Variants in SETD7 observed in about 807,000 individuals in gnomAD.
SETD7 encodes histone-lysine N-methyltransferase SETD7.
Under a neutral mutation model 41.8 loss-of-function variants are expected in SETD7, and 16 were observed. The observed-to-expected ratio is 0.38, with a 90% CI of 0.26 to 0.58. The LOEUF (loss-of-function observed/expected upper bound fraction) is 0.58, where lower values mean the gene tolerates loss of function less well. Ranked by LOEUF, SETD7 falls within the 20% of genes least tolerant of loss-of-function variation. The pLI, the probability that SETD7 is intolerant of heterozygous loss-of-function variation, is 0.64. For missense variants in SETD7, 346 were observed against 459.7 expected, an observed-to-expected ratio of 0.75 and a Z score of 2.26; for synonymous variants, 163 against 169.7, an observed-to-expected ratio of 0.96 and a Z score of 0.31.
At chr4:139,548,387 T>G (rs1728018753) in intron 1 of SETD7, among the ~76,000 whole-genome samples, 1 of 152,158 alleles carries the variant, frequency 6.6e-6, no homozygotes, top group South Asian at 2.1e-4. Context: ...TCCCAGCACT[T>G]TGGGAGGCTG....
chr4:139,534,629 A>T (rs1018134568), intron 2 of SETD7, among the ~76,000 whole-genome samples: 1 of 152,034 alleles, frequency 6.6e-6, no homozygotes, highest in African/African-American at 2.4e-5. Flanking sequence ...GGCTCAAGGG[A>T]TCCACCCAAC....
chr4:139,556,076 G>A (rs761969765), intron 1 of SETD7, 22 bp downstream of exon 1: 1 of 1,583,524 alleles, frequency 6.3e-7, no homozygotes, highest in Non-Finnish European at 8.6e-7. Context: ...CTCCTCCCCC[G>A]GCCCCGGAGA....
chr4:139,502,385 T>A (rs1480132413), downstream of SETD7, among the ~76,000 whole-genome samples: 1 of 152,070 alleles, frequency 6.6e-6, no homozygotes, highest in African/African-American at 2.4e-5. Context: ...TGTTGCAGTT[T>A]AAGTGGGGTG....
intron 1 of SETD7, among the ~76,000 whole-genome samples, chr4:139,553,787 T>C (rs1188539296): frequency 6.6e-6 from 1 of 152,214 alleles, no homozygotes; most frequent in Non-Finnish European, 1.5e-5. Context: ...AGGCTCTGTT[T>C]ATGGAAAGAG....
intron 6 of SETD7, among the ~76,000 whole-genome samples, chr4:139,519,170 C>T (rs1727111871): frequency 1.3e-5 from 2 of 152,278 alleles, no homozygotes; most frequent in African/African-American, 2.4e-5. Context: ...GTACCATCTA[C>T]CTTAGGCTGC....
rs1170006549 is a variant in SETD7 at position 139,529,331 on chromosome 4, T to C, written c.373-111A>G. Reference sequence around the variant, plus strand: ...ATTATTAATATAGCACCAGTAGGGATAATAACAGTTTAGGAACCCAGAGCT... The same window carrying C: ...ATTATTAATATAGCACCAGTAGGGACAATAACAGTTTAGGAACCCAGAGCT... On this transcript the variant is annotated intron_variant, in intron 3 of 7. Coordinates refer to ENST00000274031, the MANE Select transcript of SETD7 (RefSeq NM_030648.4). 6.3e-6 allele frequency: 5 copies of C among 793,774 alleles called. No individual in the cohort carries two copies. In the Admixed American group the frequency reaches 9.2e-5, roughly 15 times the overall value. The allele number at this position is 793,774 out of a possible 1,614,324, so 49.2% of individuals were successfully genotyped here.
chr4:139,500,751 T>G (rs1441860075), intron 7 of SETD7, among the ~76,000 whole-genome samples: 2 of 152,182 alleles, frequency 1.3e-5, no homozygotes, highest in African/African-American at 4.8e-5. Context: ...TCAGATGATC[T>G]GCCCACCTCA....
chr4:139,540,394 A>T (rs1212613741), intron 2 of SETD7, among the ~76,000 whole-genome samples: 2 of 152,232 alleles, frequency 1.3e-5, no homozygotes. Context: ...AAGGAAAATT[A>T]AAGAATGGAA....
chr4:139,517,124 G>A (rs548255848), intron 7 of SETD7, among the ~76,000 whole-genome samples: 21 of 152,106 alleles, frequency 1.4e-4, no homozygotes, highest in African/African-American at 5.1e-4. Context: ...CTTTTCCAAC[G>A]CTGAGATGTC....
At chr4:139,496,575 A>G (rs1201235054) in intron 7 of SETD7, 3 of 677,938 alleles carry the variant, frequency 4.4e-6, no homozygotes, top group Non-Finnish European at 5.3e-6. Context: ...ATTAAGGTAC[A>G]TAGATCTCAA....
intron 2 of SETD7, among the ~76,000 whole-genome samples, chr4:139,535,045 T>C (rs1727600290): frequency 6.6e-6 from 1 of 152,174 alleles, no homozygotes; most frequent in South Asian, 2.1e-4. Context: ...AAGTGCACTT[T>C]AGCATAGCTC....
rs185825634 is a variant in SETD7 at position 139,538,816 on chromosome 4, G to A, written c.171-5450C>T. On this transcript the variant is annotated intron_variant, in intron 2 of 7. Transcript: ENST00000274031. ...GGTCTTGCAATTGTTTGATTTTCCT[G>A]GTACCATCATCTGAATCAAACTGGA... 1.9e-4 allele frequency among the ~76,000 whole-genome samples: 29 copies of A among 151,968 alleles called. No homozygotes were observed. In the East Asian group the frequency reaches 3.3e-3, roughly 17 times the overall value.
intron 2 of SETD7, among the ~76,000 whole-genome samples, chr4:139,539,989 A>T (rs1486945898): frequency 6.6e-6 from 1 of 152,144 alleles, no homozygotes; most frequent in African/African-American, 2.4e-5. Context: ...TGTCTAAGCC[A>T]CCCAGTCTAT....
At chr4:139,519,538 C>G (rs1336285502) in intron 6 of SETD7, among the ~76,000 whole-genome samples, 1 of 152,210 alleles carries the variant, frequency 6.6e-6, no homozygotes, top group Non-Finnish European at 1.5e-5. Flanking sequence ...CCCTCTTTTG[C>G]CTGTGCAACT....
Position 139,520,367 on chromosome 4 carries a change from G to A in SETD7, c.672C>T (p.Ser224=), listed in dbSNP as rs1020843049. Residue 224 remains serine, a synonymous_variant, in exon 6 of 8, where the codon TCC becomes TCT. Transcript: ENST00000274031. ...TTGAAAAAAGTCCTTCTCCAGCACT[G>A]GAAATAAGAGATTCAGCAACATAAA... ...ERVYVAESLI[S]SAGEGLFSKV... 6.2e-7 allele frequency: 1 copy of A among 1,606,182 alleles called. No homozygotes were observed. The highest frequency in any genetic ancestry group is 8.5e-7 in the Non-Finnish European group (1 of 1,175,806).
Position 139,509,358 on chromosome 4 carries a change from A to G in SETD7, c.*2305T>C, listed in dbSNP as rs1471633745. The G allele has an allele frequency of 6.6e-6, 1 of 152,142 alleles. No individual in the cohort carries two copies. Among genetic ancestry groups the G allele is most frequent in the Non-Finnish European group, 1.5e-5 (1 of 68,014 alleles). The allele number at this position is 152,142 out of a possible 1,614,324, so 9.4% of individuals were successfully genotyped here. A position where few individuals can be genotyped will look rare whatever the true frequency, so the allele number is the denominator to read the frequency against. On this transcript the variant is annotated 3_prime_UTR_variant, in exon 8 of 8. Coordinates refer to ENST00000274031, the MANE Select transcript of SETD7 (RefSeq NM_030648.4). ...TTTAAGCTCAGAGTGTTACCATTCA[A>G]TATCTCATCTGAAGAACTGATTAGC...
chr4:139,498,642 G>C (rs1560669590), intron 7 of SETD7, among the ~76,000 whole-genome samples: 1 of 152,298 alleles, frequency 6.6e-6, no homozygotes. Context: ...CTCAGAGGCA[G>C]CTTCAGGAGC....
intron 7 of SETD7, 95 bp from the exon 8 acceptor site, chr4:139,511,938 A>G (rs1165009240): frequency 6.7e-7 from 1 of 1,495,798 alleles, no homozygotes; most frequent in East Asian, 2.3e-5. Flanking sequence ...ACCCCCAGGC[A>G]CTCTTCCCTG....
chr4:139,519,622 A>C (rs971092680), intron 6 of SETD7, among the ~76,000 whole-genome samples: 6 of 152,268 alleles, frequency 3.9e-5, no homozygotes, highest in Middle Eastern at 3.2e-3. Flanking sequence ...AATAAATGCA[A>C]AGGTGAACAT....
Sources: allele counts gnomAD v4.1 joint callset (sites outside exome capture counted in the v4.1 genomes callset), GRCh38; gene constraint gnomAD v4.1.1; transcripts MANE v1.5; gene names NCBI Gene and HGNC (gene_info 2026-07-23, HGNC 2026-07-21).